The following RP1L1 variants were observed in gnomAD, a reference collection of about 807,000 sequenced individuals.
RP1L1 encodes the protein retinitis pigmentosa 1-like 1 protein.
RP1L1 carries 27 observed loss-of-function variants against 15.7 expected under a neutral mutation model. The observed-to-expected ratio is 1.72, with a 90% CI of 1.27 to 2.38. The LOEUF (loss-of-function observed/expected upper bound fraction) is 2.38, where lower values mean the gene tolerates loss of function less well. Ranked by LOEUF, RP1L1 falls within the 30% of genes most tolerant of loss-of-function variation. The pLI is 0.00. For missense variants in RP1L1, 4,798 were observed against 3,075.9 expected (o/e 1.56, Z -13.24); for synonymous variants, 1,813 against 1,276.7 (o/e 1.42, Z -8.96).
rs928314998 is a variant in RP1L1 at position 10,613,360 on chromosome 8, A to C, written c.752-14T>G. On this transcript the variant is annotated splice_polypyrimidine_tract_variant and intron_variant, in intron 3 of 3. Coordinates refer to ENST00000382483, the MANE Select transcript of RP1L1 (RefSeq NM_178857.6). Reference sequence around the variant, plus strand: ...GCCCCCAGCTCCCTGGCACGCAGTGAAGAGGAAAAGAAAAGAAGAAAAGAC... The same window carrying C: ...GCCCCCAGCTCCCTGGCACGCAGTGCAGAGGAAAAGAAAAGAAGAAAAGAC... The C allele has an allele frequency of 7.5e-6, 12 of 1,599,104 alleles. No homozygotes were observed. The highest frequency in any genetic ancestry group is 1.7e-5 in the Admixed American group (1 of 60,000).
chr8:10,623,123 C>T lies in RP1L1; in HGVS notation c.79G>A (p.Val27Ile). 3 of 1,611,592 alleles carry T rather than the reference C, an allele frequency of 1.9e-6. No individual in the cohort carries two copies. Among genetic ancestry groups the T allele is most frequent in the Non-Finnish European group, 2.5e-6 (3 of 1,178,718 alleles). ...TTCTTGGCTGGCGTGACCTTGGTGA[C>T]CGAGGGGGTGCGAGCCACAGAGGGC... ...FLPSVARTPS[V>I]TKVTPAKKIT... Residue 27 changes from valine (V) to isoleucine (I), a missense_variant, in exon 2 of 4, where the codon GTC becomes ATC. Transcript: ENST00000382483.
intron 1 of RP1L1, among the ~76,000 whole-genome samples, chr8:10,650,728 AT>A (rs1007938140): frequency 9.4e-5 from 14 of 148,732 alleles, no homozygotes; most frequent in East Asian, 3.9e-4. Context: ...CAACTGGCTA[AT>A]TTTTTTTTTG....
rs1474323039 is a variant in RP1L1, at chr8:10,607,411, C to T, written c.6687G>A (p.Glu2229=). Residue 2229 remains glutamate, a synonymous_variant, in exon 4 of 4, where the codon GAG becomes GAA. Transcript: ENST00000382483. ...GGGCCTCCCCTTCAGCCTCCGGGGTCTCTACGCCTTCTGGCTCTGGCTGGG... is the reference window on the plus strand; with the variant it reads ...GGGCCTCCCCTTCAGCCTCCGGGGTTTCTACGCCTTCTGGCTCTGGCTGGG... ...EEAQPEPEGV[E]TPEAEGEAQP... The T allele has an allele frequency of 3.1e-6, 5 of 1,594,284 alleles. No homozygotes were observed. Among genetic ancestry groups the T allele is most frequent in the Non-Finnish European group, 2.6e-6 (3 of 1,168,136 alleles).
At chr8:10,627,649 A>T (rs1361507557) in intron 1 of RP1L1, among the ~76,000 whole-genome samples, 1 of 3,518 alleles carries the variant, frequency 2.8e-4, no homozygotes, top group African/African-American at 1.4e-3. Flanking sequence ...TACGAGATAT[A>T]AAAAAAAAAG....
At chr8:10,654,839 ACT>A (rs1240116962) in intron 1 of RP1L1, 57 bp downstream of exon 1, 13 of 152,426 alleles carry the variant, frequency 8.5e-5, no homozygotes, top group Admixed American at 4.6e-4. Flanking sequence ...CAGAGCCAAG[ACT>A]CTCTGCCCCT....
intron 1 of RP1L1, among the ~76,000 whole-genome samples, chr8:10,636,363 G>A (rs1451034006): frequency 6.6e-6 from 1 of 152,188 alleles, no homozygotes; most frequent in African/African-American, 2.4e-5. Context: ...GCATCCCAGG[G>A]CTAGCCTTTG....
At chr8:10,630,063 C>T (rs1287737614) in intron 1 of RP1L1, among the ~76,000 whole-genome samples, 1 of 152,208 alleles carries the variant, frequency 6.6e-6, no homozygotes, top group Non-Finnish European at 1.5e-5. Context: ...AGGGGGTCTC[C>T]TTCAGAGCTC....
At position 10,654,941 on chromosome 8, in the gene RP1L1, C is replaced by T. The variant is rs1422486267; in HGVS notation, c.-63G>A. On this transcript the variant is annotated 5_prime_UTR_variant, in exon 1 of 4. Coordinates refer to ENST00000382483, the MANE Select transcript of RP1L1 (RefSeq NM_178857.6). ...AGGGCATGGCTCAGCCCCTAAGCCTCAGGGGGACGTCCTTTGGAGGAAAGT... is the reference window on the plus strand; with the variant it reads ...AGGGCATGGCTCAGCCCCTAAGCCTTAGGGGGACGTCCTTTGGAGGAAAGT... 6.5e-6 allele frequency: 1 copy of T among 152,804 alleles called. No individual in the cohort carries two copies. 9.5% of individuals were successfully genotyped at this position (152,804 alleles called of 1,614,324 possible). A position where few individuals can be genotyped will look rare whatever the true frequency, so the allele number is the denominator to read the frequency against.
intron 1 of RP1L1, among the ~76,000 whole-genome samples, chr8:10,628,981 C>T (rs893167495): frequency 6.6e-6 from 1 of 152,228 alleles, no homozygotes; most frequent in Non-Finnish European, 1.5e-5. Context: ...GTCAGAGCTC[C>T]CTTGAAGGCA....
At chr8:10,615,705 T>A (rs866355299) in intron 3 of RP1L1, among the ~76,000 whole-genome samples, 2 of 151,580 alleles carry the variant, frequency 1.3e-5, no homozygotes, top group South Asian at 2.1e-4. Flanking sequence ...ATTTGTTCAT[T>A]ACTTATTGAT....
In RP1L1 at chr8:10,619,001, G is replaced by C. The variant is rs189230605; in HGVS notation, c.610-2414C>G. On this transcript the variant is annotated intron_variant, in intron 2 of 3. Transcript: ENST00000382483. ...TTCTCCTGCCTCAGCCTTCCCAGTA[G>C]CTGGGACTACAGGCACGCACCACCA... 5.3e-5 allele frequency among the ~76,000 whole-genome samples: 8 copies of C among 152,272 alleles called. No individual in the cohort carries two copies. In the East Asian group the frequency reaches 1.4e-3, roughly 26 times the overall value.
At chr8:10,629,394 G>A (rs1333150842) in intron 1 of RP1L1, among the ~76,000 whole-genome samples, 1 of 152,158 alleles carries the variant, frequency 6.6e-6, no homozygotes, top group Admixed American at 6.5e-5. Flanking sequence ...ACATCAAGAC[G>A]AAAAGTAAAT....
intron 1 of RP1L1, among the ~76,000 whole-genome samples, chr8:10,633,799 G>A (rs150581344): frequency 4.3e-4 from 65 of 152,254 alleles, no homozygotes; most frequent in African/African-American, 1.5e-3. Context: ...AATTATTGTA[G>A]GTATACAATA....
At chr8:10,636,771 G>T (rs984759610) in intron 1 of RP1L1, among the ~76,000 whole-genome samples, 19 of 152,188 alleles carry the variant, frequency 1.2e-4, no homozygotes, top group African/African-American at 4.6e-4. Context: ...CTCCCAGCCG[G>T]GCCTGACCCC....
At position 10,623,160 on chromosome 8, in the gene RP1L1, A is replaced by C; in HGVS notation, c.42T>G (p.Arg14=). 1 of 1,591,094 alleles carries C rather than the reference A, an allele frequency of 6.3e-7. No homozygotes were observed. Among genetic ancestry groups the C allele is most frequent in the Non-Finnish European group, 8.6e-7 (1 of 1,167,398 alleles). ...TPRNAQAPSH[R]ECFLPSVART... ...GAGCCACAGAGGGCAGGAAGCACTCACGGTGGCTCGGGGCCTGGGCATTCC... is the reference window on the plus strand; with the variant it reads ...GAGCCACAGAGGGCAGGAAGCACTCCCGGTGGCTCGGGGCCTGGGCATTCC... Residue 14 remains arginine (R), a synonymous_variant, in exon 2 of 4, where the codon CGT becomes CGG. Coordinates refer to ENST00000382483, the MANE Select transcript of RP1L1 (RefSeq NM_178857.6).
At chr8:10,647,097 C>T (rs897580836) in intron 1 of RP1L1, among the ~76,000 whole-genome samples, 5 of 152,328 alleles carry the variant, frequency 3.3e-5, no homozygotes, top group African/African-American at 4.8e-5. Context: ...AGAGCTGTCC[C>T]GCCTTCAGAA....
chr8:10,613,843 T>C (rs1267627988), intron 3 of RP1L1, among the ~76,000 whole-genome samples: 2 of 151,848 alleles, frequency 1.3e-5, no homozygotes, highest in Non-Finnish European at 2.9e-5. Flanking sequence ...AGAATGACCA[T>C]CCACAGAGCT....
chr8:10,607,905 G>T lies in RP1L1; in HGVS notation c.6193C>A (p.Gln2065Lys), dbSNP rs2117191263. Residue 2065 changes from glutamine (Q) to lysine (K), a missense_variant, in exon 4 of 4, where the codon CAG becomes AAG. By Grantham distance (53) the Gln-to-Lys change is moderately conservative (BLOSUM62 1). Coordinates refer to ENST00000382483, the MANE Select transcript of RP1L1 (RefSeq NM_178857.6). ...VEAPEAEEEA[Q>K]EAEGEVQEAE... ...TCCTGGACCTCCCCTTCAGCCTCCT[G>T]TGCCTCCTCTTCTGCCTCCGGGGCC... 1 of 1,596,984 alleles carries T rather than the reference G, an allele frequency of 6.3e-7. No individual in the cohort carries two copies. The highest frequency in any genetic ancestry group is 8.5e-7 in the Non-Finnish European group (1 of 1,169,722).
At position 10,610,919 on chromosome 8, in the gene RP1L1, G is replaced by C. The variant is rs1443469618; in HGVS notation, c.3179C>G (p.Ala1060Gly). 2 of 1,611,030 alleles carry C rather than the reference G, an allele frequency of 1.2e-6. No individual in the cohort carries two copies. The highest frequency in any genetic ancestry group is 1.1e-5 in the South Asian group (1 of 90,888). Residue 1060 changes from alanine (A) to glycine (G), a missense_variant, in exon 4 of 4, where the codon GCA (alanine) becomes GGA (glycine). Physicochemically the swap from Ala to Gly is moderately conservative, Grantham distance 60. Coordinates refer to ENST00000382483, the MANE Select transcript of RP1L1 (RefSeq NM_178857.6). ...GCAGCCTGCTGGGGCCTCTCTGTCTGCTCCGGCCTCTGCAGGGGCCTCGGA... is the reference window on the plus strand; with the variant it reads ...GCAGCCTGCTGGGGCCTCTCTGTCTCCTCCGGCCTCTGCAGGGGCCTCGGA... ...GVSEAPAEAGADREAPAGCRV... is the reference protein window; with the variant it reads ...GVSEAPAEAGGDREAPAGCRV...
Sources: gnomAD v4.1 joint callset for allele counts (sites outside exome capture counted in the v4.1 genomes callset) on GRCh38, gnomAD v4.1.1 for gene constraint, MANE v1.5 for transcripts, NCBI Gene and HGNC (gene_info 2026-07-23, HGNC 2026-07-21) for gene names.